PTGES3: variants seen among roughly 807,000 people sequenced by gnomAD.
PTGES3 encodes Hsp90 co-chaperone.
PTGES3 carries 5 observed loss-of-function variants against 29.9 expected under a neutral mutation model. The ratio of observed to expected loss-of-function variants is 0.17; its 90% CI spans 0.09 to 0.35. The LOEUF is 0.35. PTGES3 is among the 10% of genes least tolerant of loss of function. The probability of loss-of-function intolerance (pLI) is 1.00; values close to 1 mark genes in which losing one functional copy is unlikely to be tolerated. For synonymous variants in PTGES3, 49 were observed against 57.8 expected, an observed-to-expected ratio of 0.85 and a Z score of 0.69; for missense variants, 128 against 190.0, an observed-to-expected ratio of 0.67 and a Z score of 1.92.
At chr12:56,684,345 G>A (rs1037533125) in intron 1 of PTGES3, among the ~76,000 whole-genome samples, 2 of 152,204 alleles carry the variant, frequency 1.3e-5, no homozygotes, top group Admixed American at 6.6e-5. Context: ...CTGAACACAG[G>A]AAGAAAAATT....
intron 3 of PTGES3, 110 bp from the exon 4 acceptor site, chr12:56,671,957 A>C (rs754887154): frequency 2.1e-5 from 12 of 567,676 alleles, no homozygotes. Flanking sequence ...TTTTCTCTGG[A>C]CTCTGAAACA....
chr12:56,677,122 C>T (rs1464115449), intron 1 of PTGES3, among the ~76,000 whole-genome samples: 1 of 151,436 alleles, frequency 6.6e-6, no homozygotes, highest in Non-Finnish European at 1.5e-5. Flanking sequence ...CACCTGTGAT[C>T]CCAGCTACTA....
chr12:56,676,263 G>A (rs1952242621), intron 1 of PTGES3, among the ~76,000 whole-genome samples: 3 of 149,356 alleles, frequency 2.0e-5, no homozygotes, highest in Non-Finnish European at 3.0e-5. Flanking sequence ...AATAGGATTG[G>A]AACCCAGCAT....
intron 1 of PTGES3, among the ~76,000 whole-genome samples, chr12:56,677,016 AC>A (rs1005902698): frequency 1.3e-5 from 2 of 149,820 alleles, no homozygotes; most frequent in African/African-American, 4.9e-5. Flanking sequence ...TGAGCAGGTC[AC>A]CTGATGTCAG....
At chr12:56,679,039 G>A (rs985102075) in intron 1 of PTGES3, among the ~76,000 whole-genome samples, 2 of 152,130 alleles carry the variant, frequency 1.3e-5, no homozygotes, top group Admixed American at 1.3e-4. Context: ...AATTGCTTGA[G>A]ACAAGGAGTT....
rs2137565210 is a variant in PTGES3, at chr12:56,663,765, CA to C, written c.*713del. On this transcript the variant is annotated 3_prime_UTR_variant, in exon 8 of 8. Coordinates refer to ENST00000262033, the MANE Select transcript of PTGES3 (RefSeq NM_006601.7). Reference sequence around the variant, plus strand: ...TCACTCATTTGCCATACTGACAGTGCAAATACAAATCTGGACTAAATGTACA... The same window carrying C: ...TCACTCATTTGCCATACTGACAGTGCAATACAAATCTGGACTAAATGTACA... The C allele has an allele frequency of 6.5e-6, 1 of 152,744 alleles. No individual in the cohort carries two copies. Among genetic ancestry groups the C allele is most frequent in the South Asian group, 2.1e-4 (1 of 4,824 alleles). 9.5% of individuals were successfully genotyped at this position (152,744 alleles called of 1,614,324 possible). A position where few individuals can be genotyped will look rare whatever the true frequency, so the allele number is the denominator to read the frequency against.
At chr12:56,669,320 G>T (rs771427925) in intron 5 of PTGES3, among the ~76,000 whole-genome samples, 1 of 152,164 alleles carries the variant, frequency 6.6e-6, no homozygotes, top group Non-Finnish European at 1.5e-5. Context: ...GGCCTCCCGA[G>T]TAGCTGGAAT....
intron 1 of PTGES3, among the ~76,000 whole-genome samples, chr12:56,675,281 C>T (rs1009966550): frequency 6.6e-6 from 1 of 150,968 alleles, no homozygotes; most frequent in Admixed American, 6.6e-5. Context: ...GTCTGGGTGA[C>T]AGAGCAAGAC....
At chr12:56,683,163 G>A (rs1293123394) in intron 1 of PTGES3, among the ~76,000 whole-genome samples, 2 of 151,692 alleles carry the variant, frequency 1.3e-5, no homozygotes, top group Non-Finnish European at 2.9e-5. Flanking sequence ...GCCTGGCCAA[G>A]ATGGTGAAAC....
chr12:56,671,567 T>C (rs2137619674), intron 4 of PTGES3, among the ~76,000 whole-genome samples, 182 bp downstream of exon 4: 1 of 152,332 alleles, frequency 6.6e-6, no homozygotes, highest in African/African-American at 2.4e-5. Flanking sequence ...TCTACACCAG[T>C]TAATAACTGA....
Position 56,663,641 on chromosome 12 carries a change from A to C in PTGES3, c.*838T>G, listed in dbSNP as rs1951686124. 1 of 152,522 alleles carries C rather than the reference A, an allele frequency of 6.6e-6. No individual in the cohort carries two copies. Among genetic ancestry groups the C allele is most frequent in the Non-Finnish European group, 1.5e-5 (1 of 68,042 alleles). The allele number at this position is 152,522 out of a possible 1,614,324, so 9.4% of individuals were successfully genotyped here. Reference sequence around the variant, plus strand: ...TTAGAAAGAATGTAGACATTTAAAAAAATCCCCACTGTCATGAACATAAAT... The same window carrying C: ...TTAGAAAGAATGTAGACATTTAAAACAATCCCCACTGTCATGAACATAAAT... On this transcript the variant is annotated 3_prime_UTR_variant, in exon 8 of 8. Coordinates refer to ENST00000262033, the MANE Select transcript of PTGES3 (RefSeq NM_006601.7).
intron 1 of PTGES3, among the ~76,000 whole-genome samples, chr12:56,680,738 T>C (rs1952493736): frequency 6.6e-6 from 1 of 151,782 alleles, no homozygotes; most frequent in East Asian, 1.9e-4. Context: ...TCAGGATAAG[T>C]GTAGGGCACC....
At chr12:56,687,710 G>A (rs1028214065) in intron 1 of PTGES3, 5 of 1,350,210 alleles carry the variant, frequency 3.7e-6, no homozygotes, top group East Asian at 3.2e-5. Context: ...GGCCTAGGGT[G>A]AAGTTACCGA....
chr12:56,687,024 A>C (rs1021786326), intron 1 of PTGES3: 58 of 390,720 alleles, frequency 1.5e-4, no homozygotes, highest in South Asian at 2.7e-4. Context: ...AAAAAAAAAA[A>C]AAAAAACCCT....
chr12:56,664,958 T>A, intron 6 of PTGES3, 158 bp from the exon 7 acceptor site: 1 of 985,368 alleles, frequency 1.0e-6, no homozygotes, highest in African/African-American at 1.7e-5. Context: ...TTGACTAGGT[T>A]TACCTAAGGT....
At chr12:56,683,868 AGAATGGCGT>A (rs1952692317) in intron 1 of PTGES3, among the ~76,000 whole-genome samples, 2 of 141,380 alleles carry the variant, frequency 1.4e-5, no homozygotes, top group East Asian at 4.6e-4. Flanking sequence ...CTGAGGCAAG[AGAATGGCGT>A]GAACCCCAGG....
At chr12:56,676,818 G>C (rs1952272008) in intron 1 of PTGES3, among the ~76,000 whole-genome samples, 1 of 149,120 alleles carries the variant, frequency 6.7e-6, no homozygotes, top group South Asian at 2.1e-4. Context: ...AGCTACTTGG[G>C]AGGCTGAAGC....
chr12:56,674,948 G>A (rs1952167154), intron 1 of PTGES3, among the ~76,000 whole-genome samples: 1 of 137,244 alleles, frequency 7.3e-6, no homozygotes, highest in Admixed American at 8.0e-5. Context: ...AGGTTACGGT[G>A]AGCCGAGATC....
rs564940863 is a variant in PTGES3 at position 56,669,671 on chromosome 12, G to T, written c.375+604C>A. ...TCTTTCGCCAGGCTGGAGTCCAGTG[G>T]CACGATCTCGGCTCACTGCATCCTC... On this transcript the variant is annotated intron_variant, in intron 5 of 7. Coordinates refer to ENST00000262033, the MANE Select transcript of PTGES3 (RefSeq NM_006601.7). Among the ~76,000 whole-genome samples, 64 of 152,036 alleles carry T rather than the reference G, an allele frequency of 4.2e-4. 1 individual carries two copies. Among genetic ancestry groups the T allele is most frequent in the African/African-American group, 1.5e-3 (61 of 41,474 alleles).
Sources: gnomAD v4.1 joint callset for allele counts (sites outside exome capture counted in the v4.1 genomes callset) on GRCh38, gnomAD v4.1.1 for gene constraint, MANE v1.5 for transcripts, NCBI Gene and HGNC (gene_info 2026-07-23, HGNC 2026-07-21) for gene names.